The following BAZ2B variants were observed in gnomAD, a reference collection of about 807,000 sequenced individuals.
The protein encoded by BAZ2B is bromodomain adjacent to zinc finger domain 2B.
Under a neutral mutation model 246.0 loss-of-function variants are expected in BAZ2B, and 91 were observed. The observed-to-expected ratio is 0.37, with a 90% CI of 0.31 to 0.44. The LOEUF is 0.44. BAZ2B is among the 20% of genes least tolerant of loss of function. BAZ2B has a pLI of 1.00. For missense variants in BAZ2B, 2,332 were observed against 2,533.7 expected (o/e 0.92, Z 1.71); for synonymous variants, 855 against 860.0 (o/e 0.99, Z 0.10).
the BAZ2B span, among the ~76,000 whole-genome samples, chr2:159,708,003 A>C: frequency 6.6e-6 from 1 of 152,036 alleles, no homozygotes; most frequent in Non-Finnish European, 1.5e-5. Context: ...AAAATAAATA[A>C]ATAAAAAAAA....
chr2:159,374,706 A>G lies in BAZ2B; in HGVS notation c.4053T>C (p.Ile1351=). 6.2e-7 allele frequency: 1 copy of G among 1,612,838 alleles called. No homozygotes were observed. The highest frequency in any genetic ancestry group is 8.5e-7 in the Non-Finnish European group (1 of 1,179,150). ...AAGTGCTTACTTTACTCAGTTTTTC[A>G]ATCTGTTTTTCCAGCTCTTCAACAC... ...AASVEELEKQ[I]EKLSKQQSQY... is the part of the protein sequence containing the mutation. Residue 1351 remains isoleucine, a synonymous_variant, in exon 26 of 37, where the codon ATT becomes ATC. Transcript: ENST00000392783.
intron 1 of BAZ2B, among the ~76,000 whole-genome samples, chr2:159,575,947 A>T (rs932869890): frequency 3.3e-5 from 5 of 152,174 alleles, no homozygotes; most frequent in Non-Finnish European, 5.9e-5. Context: ...AATTCTACAA[A>T]CAGCAGCCTA....
chr2:159,368,572 T>TA (rs2149361897), intron 27 of BAZ2B, among the ~76,000 whole-genome samples: 1 of 152,242 alleles, frequency 6.6e-6, no homozygotes, highest in South Asian at 2.1e-4. Flanking sequence ...ATTAATGAAA[T>TA]AAAAAACTTC....
intron 31 of BAZ2B, among the ~76,000 whole-genome samples, chr2:159,340,445 GA>G (rs2066462767): frequency 6.6e-6 from 1 of 152,050 alleles, no homozygotes; most frequent in Non-Finnish European, 1.5e-5. Context: ...AGAATCCCAA[GA>G]AATTCAACCC....
At chr2:159,382,077 G>A (rs546009480) in intron 25 of BAZ2B, among the ~76,000 whole-genome samples, 284 of 152,228 alleles carry the variant, frequency 1.9e-3, no homozygotes, top group African/African-American at 6.1e-3. Flanking sequence ...ATCCTTCTCA[G>A]TGAGACTGTA....
At chr2:159,586,872 T>C (rs1301801914) in intron 1 of BAZ2B, among the ~76,000 whole-genome samples, 1 of 152,174 alleles carries the variant, frequency 6.6e-6, no homozygotes, top group Non-Finnish European at 1.5e-5. Context: ...CCACTTACAG[T>C]TTGATCTTAC....
the BAZ2B span, among the ~76,000 whole-genome samples, chr2:159,698,496 C>T: frequency 7.1e-6 from 1 of 140,464 alleles, no homozygotes; most frequent in Non-Finnish European, 1.5e-5. Context: ...AGAGCAAGAC[C>T]GTGTCCCCCA....
chr2:159,407,796 C>T (rs1179681428), intron 14 of BAZ2B, among the ~76,000 whole-genome samples: 1 of 152,034 alleles, frequency 6.6e-6, no homozygotes, highest in Non-Finnish European at 1.5e-5. Flanking sequence ...TTCTGGGTCA[C>T]ACAAAAAAGA....
chr2:159,337,365 A>G, intron 32 of BAZ2B: 4 of 1,329,534 alleles, frequency 3.0e-6, no homozygotes, highest in Non-Finnish European at 4.1e-6. Flanking sequence ...TATGGATCAC[A>G]GACATACAAG....
At position 159,389,499 on chromosome 2, in the gene BAZ2B, C is replaced by T. The variant is rs2149584425; in HGVS notation, c.3076-14G>A. The T allele has an allele frequency of 6.3e-7, 1 of 1,577,962 alleles. No homozygotes were observed. Among genetic ancestry groups the T allele is most frequent in the African/African-American group, 1.4e-5 (1 of 73,216 alleles). On this transcript the variant is annotated splice_polypyrimidine_tract_variant and intron_variant, in intron 20 of 36. Transcript: ENST00000392783. ...CCGCTCTTTTTCCTTAAAAAGAAAA[C>T]CATGTACACATATTCTTCTTAATCA...
chr2:159,383,763 G>A (rs751652584), intron 23 of BAZ2B, 83 bp from the exon 24 acceptor site: 107 of 1,151,596 alleles, frequency 9.3e-5, no homozygotes, highest in Middle Eastern at 4.6e-4. Context: ...AACTTGATAC[G>A]TAAATTAATG....
Position 159,415,373 on chromosome 2 carries a change from G to A in BAZ2B, c.2467-2828C>T, listed in dbSNP as rs567103316. ...GGCAGAAGAATTGCTTGAACCCAGG[G>A]GGTGGAGGTTGCAGTGAGCCAAGAT... On this transcript the variant is annotated intron_variant, in intron 13 of 36. Transcript: ENST00000392783. 6.9e-3 allele frequency among the ~76,000 whole-genome samples: 1,039 copies of A among 150,856 alleles called. 3 individuals carry two copies. The highest frequency in any genetic ancestry group is 0.011 in the Non-Finnish European group (743 of 67,632).
intron 1 of BAZ2B, among the ~76,000 whole-genome samples, chr2:159,588,073 A>G (rs771041784): frequency 6.6e-6 from 1 of 152,068 alleles, no homozygotes; most frequent in South Asian, 2.1e-4. Flanking sequence ...ATGTGTCTGT[A>G]GTCCCAGCTA....
At chr2:159,584,962 T>C (rs1233264704) in intron 1 of BAZ2B, among the ~76,000 whole-genome samples, 1 of 152,212 alleles carries the variant, frequency 6.6e-6, no homozygotes, top group Non-Finnish European at 1.5e-5. Flanking sequence ...GCTGTCATGA[T>C]TGGGAGCTTC....
chr2:159,545,649 G>T (rs563713908), intron 2 of BAZ2B, among the ~76,000 whole-genome samples: 1 of 152,144 alleles, frequency 6.6e-6, no homozygotes, highest in East Asian at 1.9e-4. Context: ...GTCACTACTA[G>T]GAAAAAGTAC....
chr2:159,491,631 G>A (rs1267744302), intron 2 of BAZ2B, among the ~76,000 whole-genome samples: 2 of 142,664 alleles, frequency 1.4e-5, no homozygotes, highest in African/African-American at 5.3e-5. Context: ...TGAGGCAGGA[G>A]AATGGCGTGA....
rs369487727 is a variant in BAZ2B, at chr2:159,333,386, T to C, written c.5797-700A>G. ...TTTTTAGAATTAAAAATAAAACTAG[T>C]TGTTTTCTACTGAAAATTTTCTAAT... is the stretch of plus-strand genomic sequence containing the variant. On this transcript the variant is annotated intron_variant, in intron 33 of 36. Coordinates refer to ENST00000392783, the MANE Select transcript of BAZ2B (RefSeq NM_013450.4). 7.2e-5 allele frequency among the ~76,000 whole-genome samples: 11 copies of C among 152,226 alleles called. No homozygotes were observed. In the East Asian group the frequency reaches 1.2e-3, roughly 16 times the overall value.
chr2:159,625,915 G>A, the BAZ2B span, among the ~76,000 whole-genome samples: 1 of 151,830 alleles, frequency 6.6e-6, no homozygotes, highest in African/African-American at 2.4e-5. Context: ...TTGGTGTGCT[G>A]TATTCAGGAG....
intron 18 of BAZ2B, among the ~76,000 whole-genome samples, chr2:159,398,478 T>C (rs62171540): frequency 0.058 from 8,743 of 152,016 alleles, 346 homozygotes; most frequent in Middle Eastern, 0.14. Context: ...CATATCTAGT[T>C]TATGCCTAAA....
Sources: allele counts gnomAD v4.1 joint callset (sites outside exome capture counted in the v4.1 genomes callset), GRCh38; gene constraint gnomAD v4.1.1; transcripts MANE v1.5; gene names NCBI Gene and HGNC (gene_info 2026-07-23, HGNC 2026-07-21).